Variants in ANO10 observed in about 807,000 individuals in gnomAD.
The protein encoded by ANO10 is anoctamin 10.
In ANO10, 77 loss-of-function variants were observed where a neutral mutation model predicts 74.7. The observed-to-expected ratio is 1.03, with a 90% confidence interval of 0.86 to 1.25. The LOEUF (loss-of-function observed/expected upper bound fraction) is 1.25, where lower values mean the gene tolerates loss of function less well. Ranked by LOEUF, ANO10 falls within the 50% of genes most tolerant of loss-of-function variation. The pLI, the probability that ANO10 is intolerant of heterozygous loss-of-function variation, is 0.00. For missense variants in ANO10, 721 were observed against 778.1 expected (o/e 0.93, Z 0.87); for synonymous variants, 279 against 284.9 (o/e 0.98, Z 0.21).
At chr3:43,656,012 G>C (rs370125934) in intron 1 of ANO10, among the ~76,000 whole-genome samples, 1 of 73,226 alleles carries the variant, frequency 1.4e-5, no homozygotes, top group Non-Finnish European at 2.7e-5. Context: ...GGTTCTCCAC[G>C]TCCCCACCAG....
chr3:43,574,955 G>T, intron 6 of ANO10, 91 bp from the exon 7 acceptor site: 1 of 997,292 alleles, frequency 1.0e-6, no homozygotes, highest in Non-Finnish European at 1.6e-6. Context: ...TGAGGGCGGA[G>T]ATGTCCAACA....
chr3:43,529,899 AAAT>A lies in ANO10; in HGVS notation c.1797+19818_1797+19820del, dbSNP rs1214608768. 4.6e-5 allele frequency among the ~76,000 whole-genome samples: 7 copies of A among 152,142 alleles called. No homozygotes were observed. In the South Asian group the frequency reaches 6.2e-4, roughly 13 times the overall value. Reference sequence around the variant, plus strand: ...ATAATACCAGAGTATATATAACATAAAATAATATGATAAAGTTGAGACCAAACA... The same window carrying A: ...ATAATACCAGAGTATATATAACATAAAATATGATAAAGTTGAGACCAAACA... On this transcript the variant is annotated intron_variant, in intron 11 of 12. Coordinates refer to ENST00000292246, the MANE Select transcript of ANO10 (RefSeq NM_018075.5).
chr3:43,686,521 A>C (rs1409826420), intron 1 of ANO10, among the ~76,000 whole-genome samples: 1 of 152,100 alleles, frequency 6.6e-6, no homozygotes, highest in Non-Finnish European at 1.5e-5. Context: ...CCTGGGCTCA[A>C]GCGATCCACC....
intron 11 of ANO10, among the ~76,000 whole-genome samples, chr3:43,453,925 C>T (rs577953406): frequency 2.1e-4 from 32 of 152,322 alleles, no homozygotes; most frequent in Non-Finnish European, 4.4e-4. Flanking sequence ...TCTCTAGGTG[C>T]TGTAGATTGG....
At chr3:43,686,085 A>G (rs1425240493) in intron 1 of ANO10, among the ~76,000 whole-genome samples, 2 of 152,142 alleles carry the variant, frequency 1.3e-5, no homozygotes, top group South Asian at 2.1e-4. Flanking sequence ...ACTGAGTTCC[A>G]GGATCCAGCC....
At chr3:43,512,881 G>T (rs556595569) in intron 11 of ANO10, among the ~76,000 whole-genome samples, 1 of 152,194 alleles carries the variant, frequency 6.6e-6, no homozygotes, top group South Asian at 2.1e-4. Context: ...AAAGAAGCAG[G>T]GTGAGCCTAC....
intron 4 of ANO10, among the ~76,000 whole-genome samples, chr3:43,597,799 G>T (rs1480857688): frequency 6.6e-6 from 1 of 151,680 alleles, no homozygotes. Context: ...TAAACATGTG[G>T]TCCCAGCTAC....
chr3:43,601,577 A>G (rs1419553903), intron 2 of ANO10, among the ~76,000 whole-genome samples: 1 of 152,218 alleles, frequency 6.6e-6, no homozygotes, highest in African/African-American at 2.4e-5. Context: ...TATTAATCAG[A>G]TGATAACAGG....
chr3:43,403,863 G>C (rs1359010638), intron 12 of ANO10, among the ~76,000 whole-genome samples: 1 of 152,082 alleles, frequency 6.6e-6, no homozygotes, highest in Non-Finnish European at 1.5e-5. Flanking sequence ...ACACACCCTA[G>C]GGTAAGTCCT....
chr3:43,402,686 T>C (rs1415947763), intron 12 of ANO10, among the ~76,000 whole-genome samples: 1 of 152,104 alleles, frequency 6.6e-6, no homozygotes, highest in Non-Finnish European at 1.5e-5. Context: ...CTTTTCAAAA[T>C]GGCACCCTGC....
intron 11 of ANO10, among the ~76,000 whole-genome samples, chr3:43,458,651 T>C (rs1426612317): frequency 1.3e-5 from 2 of 152,220 alleles, no homozygotes; most frequent in African/African-American, 2.4e-5. Flanking sequence ...TTCTTTTTTC[T>C]CTTTTTTACT....
At chr3:43,654,561 A>G (rs2083825579) in intron 1 of ANO10, among the ~76,000 whole-genome samples, 1 of 152,264 alleles carries the variant, frequency 6.6e-6, no homozygotes. Flanking sequence ...GATGCTTGCC[A>G]TAATGAAATG....
intron 9 of ANO10, among the ~76,000 whole-genome samples, chr3:43,560,452 C>T (rs906869008): frequency 6.6e-6 from 1 of 152,084 alleles, no homozygotes; most frequent in Non-Finnish European, 1.5e-5. Flanking sequence ...TAAACTCATT[C>T]AAGATGAAAA....
intron 7 of ANO10, among the ~76,000 whole-genome samples, chr3:43,572,667 C>T (rs547149347): frequency 1.3e-5 from 2 of 152,312 alleles, no homozygotes; most frequent in East Asian, 3.9e-4. Flanking sequence ...CCAGGAGTTC[C>T]CTGCTCAAGA....
chr3:43,685,855 T>C (rs1032513357), intron 1 of ANO10, among the ~76,000 whole-genome samples: 29 of 152,242 alleles, frequency 1.9e-4, no homozygotes, highest in African/African-American at 6.5e-4. Flanking sequence ...TTTCTTAACA[T>C]GTTCAAAAAA....
At chr3:43,641,448 A>G (rs2083669121) in intron 1 of ANO10, among the ~76,000 whole-genome samples, 1 of 152,204 alleles carries the variant, frequency 6.6e-6, no homozygotes, top group African/African-American at 2.4e-5. Context: ...CAAGTTAGTT[A>G]TAGAGCCCAA....
At chr3:43,380,871 C>T (rs957548959) in intron 12 of ANO10, among the ~76,000 whole-genome samples, 2 of 152,140 alleles carry the variant, frequency 1.3e-5, no homozygotes, top group Admixed American at 6.5e-5. Context: ...TCCGTTCTCA[C>T]GCTGCTATGA....
chr3:43,690,773 G>A lies in ANO10; in HGVS notation c.-12+744C>T, dbSNP rs574842837. ...CCCGCGCTTACACCCGGGAGCGTCG[G>A]GCGGGAGAACTAGTGCATGCTGGCT... is the stretch of plus-strand genomic sequence containing the variant. On this transcript the variant is annotated intron_variant, in intron 1 of 3. Transcript: ENST00000413397. 2.7e-5 allele frequency: 12 copies of A among 437,382 alleles called. No individual in the cohort carries two copies. The East Asian group carries it at 3.7e-4, about 14-fold the overall frequency. 27.1% of individuals were successfully genotyped at this position (437,382 alleles called of 1,614,324 possible).
At chr3:43,570,444 C>T (rs1233858295) in intron 7 of ANO10, among the ~76,000 whole-genome samples, 3 of 151,636 alleles carry the variant, frequency 2.0e-5, no homozygotes, top group Non-Finnish European at 4.4e-5. Flanking sequence ...TACTACAAGG[C>T]TACAGTCACC....
Sources: gnomAD v4.1 joint callset for allele counts (sites outside exome capture counted in the v4.1 genomes callset) on GRCh38, gnomAD v4.1.1 for gene constraint, MANE v1.5 for transcripts, NCBI Gene and HGNC (gene_info 2026-07-23, HGNC 2026-07-21) for gene names.